SCARB2: variants seen among roughly 807,000 people sequenced by gnomAD.
The protein encoded by SCARB2 is lysosome membrane protein 2.
Under a neutral mutation model 58.6 loss-of-function variants are expected in SCARB2, and 29 were observed. That is an observed-to-expected ratio of 0.49 (90% CI 0.37 to 0.67). The LOEUF (loss-of-function observed/expected upper bound fraction) is 0.67. SCARB2 is among the 30% of genes least tolerant of loss of function. The pLI is 0.00. For synonymous variants in SCARB2, 195 were observed against 210.1 expected (o/e 0.93, Z 0.62); for missense variants, 488 against 578.5 (o/e 0.84, Z 1.60).
At chr4:76,203,341 T>G (rs978401437) in intron 1 of SCARB2, among the ~76,000 whole-genome samples, 1 of 152,094 alleles carries the variant, frequency 6.6e-6, no homozygotes, top group Admixed American at 6.5e-5. Context: ...AGACAAAAAG[T>G]TTTCATGAAC....
chr4:76,221,721 C>A (rs1443246749), intron 1 of SCARB2, among the ~76,000 whole-genome samples: 1 of 152,132 alleles, frequency 6.6e-6, no homozygotes, highest in Non-Finnish European at 1.5e-5. Context: ...CACACGGACA[C>A]AAAGATGGGA....
intron 9 of SCARB2, 67 bp downstream of exon 9, chr4:76,168,336 A>G: frequency 8.0e-7 from 1 of 1,247,142 alleles, no homozygotes; most frequent in Non-Finnish European, 1.2e-6. Context: ...TCCTCCTGAC[A>G]TCAACCCCAC....
At chr4:76,174,702 T>A (rs1732210625) in intron 6 of SCARB2, 1 of 263,674 alleles carries the variant, frequency 3.8e-6, no homozygotes, top group Non-Finnish European at 7.4e-6. Context: ...AAAGCTAAGG[T>A]AGAACAGGCA....
chr4:76,217,579 G>A, upstream of SCARB2: 1 of 521,546 alleles, frequency 1.9e-6, no homozygotes, highest in Non-Finnish European at 3.5e-6. Context: ...GCCTTCCCAG[G>A]AGTGGAAGCA....
chr4:76,190,009 C>CTT (rs796495594), intron 2 of SCARB2, among the ~76,000 whole-genome samples: 7 of 134,762 alleles, frequency 5.2e-5, no homozygotes, highest in Admixed American at 7.3e-5. Context: ...ATACTTGACA[C>CTT]TTTTTTTTTT....
At position 76,161,540 on chromosome 4, in the gene SCARB2, C is replaced by A. The variant is rs1279540549; in HGVS notation, c.*173G>T. The A allele has an allele frequency of 3.0e-6, 2 of 671,828 alleles. No homozygotes were observed. The highest frequency in any genetic ancestry group is 4.7e-5 in the Admixed American group (2 of 42,396). The allele number at this position is 671,828 out of a possible 1,614,324, so 41.6% of individuals were successfully genotyped here. On this transcript the variant is annotated 3_prime_UTR_variant, in exon 12 of 12. Transcript: ENST00000264896. ...TGATTTTATAAAGCTTAATGGCCAG[C>A]CATGTCAGCCTGCTCTTTAACCTCT... is the stretch of plus-strand genomic sequence containing the variant.
chr4:76,213,309 GAGCTCT>G (rs1411619864), intron 1 of SCARB2, 112 bp downstream of exon 1: 17 of 755,236 alleles, frequency 2.3e-5, no homozygotes, highest in Admixed American at 2.0e-4. Context: ...GACGCAAGAA[GAGCTCT>G]AGCGCGGAGG....
chr4:76,173,134 T>C (rs1209134623), intron 7 of SCARB2: 4 of 152,200 alleles, frequency 2.6e-5, no homozygotes, highest in African/African-American at 7.2e-5. Flanking sequence ...CTCTTCAAGA[T>C]GAAGAAAATA....
rs558078002 is a variant in SCARB2, at chr4:76,158,750, GGTT to G, written c.*2960_*2962del. 11 of 152,288 alleles carry G rather than the reference GGTT, an allele frequency of 7.2e-5. No individual in the cohort carries two copies. The highest frequency in any genetic ancestry group is 2.2e-4 in the African/African-American group (9 of 41,552). The allele number at this position is 152,288 out of a possible 1,614,324, so 9.4% of individuals were successfully genotyped here. A position where few individuals can be genotyped will look rare whatever the true frequency, so the allele number is the denominator to read the frequency against. On this transcript the variant is annotated 3_prime_UTR_variant, in exon 12 of 12. Transcript: ENST00000264896. ...CTTCTAGAGCAATTTTATATAAAGTGGTTTTTTATTAATGAAACATTTCATTGC... is the reference window on the plus strand; with the variant it reads ...CTTCTAGAGCAATTTTATATAAAGTGTTTTATTAATGAAACATTTCATTGC...
At chr4:76,172,104 C>T (rs1732142450) in intron 7 of SCARB2, among the ~76,000 whole-genome samples, 1 of 148,024 alleles carries the variant, frequency 6.8e-6, no homozygotes, top group Admixed American at 6.8e-5. Flanking sequence ...TGTTAATATA[C>T]TCATATATTA....
intron 1 of SCARB2, among the ~76,000 whole-genome samples, chr4:76,226,189 G>A (rs558350192): frequency 2.0e-5 from 3 of 152,254 alleles, no homozygotes; most frequent in Admixed American, 1.3e-4. Flanking sequence ...GGCTGCGAAG[G>A]CCCTGAGCTC....
At chr4:76,175,705 G>GT (rs2109943450) in intron 6 of SCARB2, 86 bp downstream of exon 6, 1 of 1,461,384 alleles carries the variant, frequency 6.8e-7, no homozygotes, top group African/African-American at 1.4e-5. Flanking sequence ...CATAATAAGT[G>GT]TGTCTGCATA....
At chr4:76,232,582 G>C (rs11097296) in intron 1 of SCARB2, among the ~76,000 whole-genome samples, 23,004 of 152,086 alleles carry the variant, frequency 0.15, 1,765 homozygotes, top group African/African-American at 0.19. Context: ...TTAGACATTA[G>C]AATTTTAGAA....
Position 76,166,286 on chromosome 4 carries a change from A to C in SCARB2, c.1203T>G (p.Ile401Met). 6.2e-7 allele frequency: 1 copy of C among 1,614,156 alleles called. No homozygotes were observed. Among genetic ancestry groups the C allele is most frequent in the Non-Finnish European group, 8.5e-7 (1 of 1,180,028 alleles). The change falls in exon 10 of 12, where the codon ATT becomes ATG. Residue 401 changes from isoleucine to methionine, a missense_variant. Ile to Met is a conservative substitution (Grantham distance 10). Transcript: ENST00000264896. ...ACATCACTGGGAAAACCATGGTTCTAATGTCTCCCGTTTCACTACAAAGAC... is the reference window on the plus strand; with the variant it reads ...ACATCACTGGGAAAACCATGGTTCTCATGTCTCCCGTTTCACTACAAAGAC... Reference protein sequence around the residue: ...KLDDFVETGDIRTMVFPVMYL... With the variant: ...KLDDFVETGDMRTMVFPVMYL...
chr4:76,163,105 C>T, intron 11 of SCARB2, 120 bp downstream of exon 11: 1 of 1,287,960 alleles, frequency 7.8e-7, no homozygotes, highest in Admixed American at 1.8e-5. Flanking sequence ...ATCACTATGC[C>T]CAGCATAAAA....
chr4:76,231,625 A>G (rs1733494914), intron 1 of SCARB2, among the ~76,000 whole-genome samples: 1 of 152,236 alleles, frequency 6.6e-6, no homozygotes, highest in Admixed American at 6.5e-5. Context: ...AAGTACAGCA[A>G]GAATTATTAT....
rs973613311 is a variant in SCARB2 at position 76,175,655 on chromosome 4, G to A, written c.824+136C>T. On this transcript the variant is annotated intron_variant, in intron 6 of 11. Coordinates refer to ENST00000264896, the MANE Select transcript of SCARB2 (RefSeq NM_005506.4). ...CCAGTACACTATACTGTCTCGATGT[G>A]CCATCAGCATTTATCACTGATTATG... 5.8e-6 allele frequency: 6 copies of A among 1,027,164 alleles called. No homozygotes were observed. In the African/African-American group the frequency reaches 9.5e-5, roughly 16 times the overall value. The allele number at this position is 1,027,164 out of a possible 1,614,324, so 63.6% of individuals were successfully genotyped here.
At chr4:76,200,241 C>G (rs1378001492) in intron 1 of SCARB2, among the ~76,000 whole-genome samples, 2 of 152,174 alleles carry the variant, frequency 1.3e-5, no homozygotes, top group Non-Finnish European at 2.9e-5. Flanking sequence ...TTCTTAGTTA[C>G]ACTAAATGAA....
chr4:76,223,698 G>A (rs1212309970), intron 1 of SCARB2, among the ~76,000 whole-genome samples: 2 of 152,196 alleles, frequency 1.3e-5, no homozygotes, highest in Non-Finnish European at 2.9e-5. Context: ...TAAAGTGTGA[G>A]AAGCATAGCA....
Sources: gnomAD v4.1 joint callset for allele counts (sites outside exome capture counted in the v4.1 genomes callset) on GRCh38, gnomAD v4.1.1 for gene constraint, MANE v1.5 for transcripts, NCBI Gene and HGNC (gene_info 2026-07-23, HGNC 2026-07-21) for gene names.